The following NLGN4Y variants were observed in gnomAD, a reference collection of about 807,000 sequenced individuals.
The protein encoded by NLGN4Y is neuroligin-4, Y-linked.
NLGN4Y carries 4 observed loss-of-function variants against 8.4 expected under a neutral mutation model. The ratio of observed to expected loss-of-function variants is 0.48; its 90% CI spans 0.23 to 1.09. The LOEUF is 1.09. Among genes scored for constraint, NLGN4Y ranks in the 50% least tolerant of loss-of-function variants. The pLI is 0.19. For synonymous variants in NLGN4Y, 35 were observed against 75.6 expected (o/e 0.46, Z 2.78); for missense variants, 90 against 192.3 (o/e 0.47, Z 3.15).
chrY:14,570,012 G>T (rs2080264407), intron 1 of NLGN4Y, among the ~76,000 whole-genome samples: 1 of 33,837 alleles, frequency 3.0e-5, no homozygotes, highest in African/African-American at 1.1e-4. Flanking sequence ...TCAGGAAACT[G>T]CACAGCCAGT....
intron 1 of NLGN4Y, among the ~76,000 whole-genome samples, chrY:14,606,552 C>T (rs1055680200): frequency 9.1e-5 from 3 of 33,136 alleles, no homozygotes; most frequent in East Asian, 7.9e-4. Flanking sequence ...TAAAATTAAA[C>T]CAATCTCAGT....
At chrY:14,703,881 C>A (rs2080865843) in intron 2 of NLGN4Y, among the ~76,000 whole-genome samples, 1 of 32,696 alleles carries the variant, frequency 3.1e-5, no homozygotes. Flanking sequence ...TCCTTCACAT[C>A]CCTTGTAAGT....
chrY:14,578,744 A>G, intron 1 of NLGN4Y, among the ~76,000 whole-genome samples: 1 of 33,574 alleles, frequency 3.0e-5, no homozygotes, highest in African/African-American at 1.2e-4. Flanking sequence ...GCCAGGCACC[A>G]TCTCCAACAC....
chrY:14,818,819 TC>T (rs2043111991), intron 4 of NLGN4Y, among the ~76,000 whole-genome samples: 1 of 33,482 alleles, frequency 3.0e-5, no homozygotes, highest in Non-Finnish European at 7.4e-5. Context: ...CTGTGGCCTT[TC>T]ACTGATCTCC....
intron 4 of NLGN4Y, among the ~76,000 whole-genome samples, chrY:14,794,461 T>C: frequency 3.0e-5 from 1 of 33,785 alleles, no homozygotes; most frequent in Non-Finnish European, 7.3e-5. Flanking sequence ...TCCTTTTTCA[T>C]TGAATGGTAT....
At chrY:14,758,473 G>A (rs763408481) in intron 4 of NLGN4Y, among the ~76,000 whole-genome samples, 10 of 33,668 alleles carry the variant, frequency 3.0e-4, no homozygotes, top group Non-Finnish European at 6.6e-4. Context: ...TATACCTTCA[G>A]GAGTGACTAC....
chrY:14,597,107 G>A, intron 1 of NLGN4Y, among the ~76,000 whole-genome samples: 1 of 31,548 alleles, frequency 3.2e-5, no homozygotes. Context: ...CGCTGGCTCA[G>A]GAGTGAAGCT....
chrY:14,655,067 G>A, intron 2 of NLGN4Y, among the ~76,000 whole-genome samples: 2 of 32,939 alleles, frequency 6.1e-5, no homozygotes, highest in Non-Finnish European at 1.5e-4. Context: ...ACTTGCTGGG[G>A]ATGAGAAGCC....
chrY:14,794,578 A>G (rs2042999104), intron 4 of NLGN4Y, among the ~76,000 whole-genome samples: 1 of 33,639 alleles, frequency 3.0e-5, no homozygotes, highest in East Asian at 7.8e-4. Context: ...TAACTCTTTC[A>G]GAAGCTGGGT....
chrY:14,542,269 C>T (rs535169851), intron 1 of NLGN4Y, among the ~76,000 whole-genome samples: 1 of 33,479 alleles, frequency 3.0e-5, no homozygotes, highest in Admixed American at 2.7e-4. Flanking sequence ...ATACATATGC[C>T]CCTAGTACAG....
At chrY:14,712,479 C>T in intron 2 of NLGN4Y, among the ~76,000 whole-genome samples, 2 of 33,009 alleles carry the variant, frequency 6.1e-5, no homozygotes, top group African/African-American at 2.4e-4. Flanking sequence ...CCCTTCTGTG[C>T]CCTCCCCTTC....
intron 2 of NLGN4Y, among the ~76,000 whole-genome samples, chrY:14,683,070 T>C: frequency 3.0e-5 from 1 of 33,684 alleles, no homozygotes; most frequent in Non-Finnish European, 7.4e-5. Context: ...TCCTATGGTA[T>C]AAATTTCTCT....
intron 1 of NLGN4Y, among the ~76,000 whole-genome samples, chrY:14,567,753 T>G (rs751781742): frequency 2.6e-4 from 8 of 31,216 alleles, no homozygotes; most frequent in Admixed American, 6.0e-4. Context: ...CTCAGCCTAG[T>G]CTGGAAATCC....
intron 2 of NLGN4Y, among the ~76,000 whole-genome samples, chrY:14,628,409 A>AC (rs2080536879): frequency 1.8e-4 from 6 of 34,056 alleles, no homozygotes; most frequent in Non-Finnish European, 3.7e-4. Context: ...ATGATGAAAT[A>AC]TAAACAGACG....
In NLGN4Y at chrY:14,711,321, T is replaced by C. The variant is rs751396152; in HGVS notation, c.473-8138T>C. Among the ~76,000 whole-genome samples, 95 of 32,888 alleles carry C rather than the reference T, an allele frequency of 2.9e-3. No homozygotes were observed. The East Asian group carries it at 0.059, about 20-fold the overall frequency. 88.2% of individuals were successfully genotyped at this position (32,888 alleles called of 37,273 possible). A position where few individuals can be genotyped will look rare whatever the true frequency, so the allele number is the denominator to read the frequency against. The stretch of plus-strand genomic sequence containing the variant: ...TTGGAAATAGCATATCATTATATTT[T>C]TTTTTCTTTTGAAAAAACACAATCA... On this transcript the variant is annotated intron_variant, in intron 2 of 6. Transcript: ENST00000684976.
chrY:14,689,486 T>C (rs2080802464), intron 2 of NLGN4Y, among the ~76,000 whole-genome samples: 1 of 32,444 alleles, frequency 3.1e-5, no homozygotes, highest in African/African-American at 1.2e-4. Context: ...GAGAGGAGTA[T>C]TTTGTTGTTG....
intron 4 of NLGN4Y, among the ~76,000 whole-genome samples, chrY:14,808,666 T>G: frequency 2.9e-5 from 1 of 34,068 alleles, no homozygotes; most frequent in Non-Finnish European, 7.3e-5. Flanking sequence ...TACCTGATTA[T>G]GTAGGTGACT....
At chrY:14,668,349 C>G (rs757312302) in intron 2 of NLGN4Y, among the ~76,000 whole-genome samples, 1 of 32,857 alleles carries the variant, frequency 3.0e-5, no homozygotes, top group South Asian at 6.9e-4. Context: ...TCTTAGATTT[C>G]CATCTAAATT....
intron 2 of NLGN4Y, chrY:14,639,731 A>AC: frequency 6.7e-6 from 1 of 148,767 alleles, no homozygotes; most frequent in Non-Finnish European, 1.4e-5. Context: ...TTCGATGGGG[A>AC]CCCTTCAGAG....
Sources: allele counts gnomAD v4.1 joint callset (sites outside exome capture counted in the v4.1 genomes callset), GRCh38; gene constraint gnomAD v4.1.1; transcripts MANE v1.5; gene names NCBI Gene and HGNC (gene_info 2026-07-23, HGNC 2026-07-21).